Variants in PCDHGA8 observed in about 807,000 individuals in gnomAD.
PCDHGA8 encodes protocadherin gamma subfamily A, 8.
PCDHGA8 carries 45 observed loss-of-function variants against 59.2 expected under a neutral mutation model. The ratio of observed to expected loss-of-function variants is 0.76; its 90% CI spans 0.60 to 0.98. PCDHGA8 has a LOEUF of 0.98. Among genes scored for constraint, PCDHGA8 ranks in the 50% least tolerant of loss-of-function variants. The pLI is 0.00. For missense variants in PCDHGA8, 1,257 were observed against 1,196.2 expected, an observed-to-expected ratio of 1.05 and a Z score of -0.75; for synonymous variants, 531 against 519.0, an observed-to-expected ratio of 1.02 and a Z score of -0.32.
Position 141,395,119 on chromosome 5 carries a change from T to C in PCDHGA8, c.2306T>C (p.Ile769Thr). Residue 769 changes from isoleucine to threonine, a missense_variant, in exon 1 of 4, where the codon ATC (isoleucine) becomes ACC (threonine). Transcript: ENST00000398604. ...GCCGACTCGCGGAAGAGTCACCTGA[T>C]CTTTCCCCAGCCCAACTACGCAGAC... ...LTADSRKSHLIFPQPNYADML... is the reference protein window; with the variant it reads ...LTADSRKSHLTFPQPNYADML... 6.2e-7 allele frequency: 1 copy of C among 1,614,182 alleles called. No homozygotes were observed.
intron 1 of PCDHGA8, chr5:141,399,935 A>G (rs2093920920): frequency 1.9e-6 from 3 of 1,612,300 alleles, no homozygotes; most frequent in Non-Finnish European, 2.5e-6. Context: ...CTGTCCTACC[A>G]CGTGCTGCAG....
intron 1 of PCDHGA8, among the ~76,000 whole-genome samples, chr5:141,474,185 C>A (rs1481544975): frequency 6.6e-6 from 1 of 152,180 alleles, no homozygotes; most frequent in Non-Finnish European, 1.5e-5. Flanking sequence ...AAACTACTTA[C>A]ATTTTTAAAA....
rs775449711 is a variant in PCDHGA8 at position 141,393,074 on chromosome 5, G to C, written c.261G>C (p.Ala87=). ...CGCGCAGCGGCAGCTTGATCACCGCGGGCAGGATAGATCGGGAGGAGCTCT... is the reference window on the plus strand; with the variant it reads ...CGCGCAGCGGCAGCTTGATCACCGCCGGCAGGATAGATCGGGAGGAGCTCT... ...LNPRSGSLIT[A]GRIDREELCA... is the part of the protein sequence containing the mutation. Residue 87 remains alanine (A), a synonymous_variant, in exon 1 of 4, where the codon GCG becomes GCC. Transcript: ENST00000398604. 7.4e-6 allele frequency: 12 copies of C among 1,613,592 alleles called. No homozygotes were observed. The highest frequency in any genetic ancestry group is 2.7e-5 in the African/African-American group (2 of 74,934).
chr5:141,394,548 C>T lies in PCDHGA8; in HGVS notation c.1735C>T (p.Pro579Ser), dbSNP rs1176145709. The change falls in exon 1 of 4, where the codon CCC (proline) becomes TCC (serine). Residue 579 changes from proline (P) to serine (S), a missense_variant. Physicochemically the swap from Pro to Ser is moderately conservative, Grantham distance 74. Transcript: ENST00000398604. ...CGGTTCCACTGGCGTGGAGCTGGCG[C>T]CCCGCTCCGCAGAGCGTGGCTACCT... ...TDGSTGVELA[P>S]RSAERGYLVT... 1 of 1,614,160 alleles carries T rather than the reference C, an allele frequency of 6.2e-7. No homozygotes were observed. The highest frequency in any genetic ancestry group is 1.7e-5 in the Admixed American group (1 of 60,034).
In PCDHGA8 at chr5:141,421,081, A is replaced by C. The variant is rs775366249; in HGVS notation, c.2424+25844A>C. 61 of 637,820 alleles carry C rather than the reference A, an allele frequency of 9.6e-5. 1 individual carries two copies. The Middle Eastern group carries it at 2.9e-3, about 31-fold the overall frequency. The allele number at this position is 637,820 out of a possible 1,614,324, so 39.5% of individuals were successfully genotyped here. ...ACAAAGCGGAATGAGATGGATACTCACAGATCCTGACACTGGAGACTTAGA... is the reference window on the plus strand; with the variant it reads ...ACAAAGCGGAATGAGATGGATACTCCCAGATCCTGACACTGGAGACTTAGA... On this transcript the variant is annotated intron_variant, in intron 1 of 3. Coordinates refer to ENST00000398604, the MANE Select transcript of PCDHGA8 (RefSeq NM_032088.2).
rs779391932 is a variant in PCDHGA8, at chr5:141,419,996, C to T, written c.2424+24759C>T. Reference sequence around the variant, plus strand: ...CCTCGCGGTGATTCTAGCTATTGCTCTACGCCTGCGACAGTCTTTCAGCCC... The same window carrying T: ...CCTCGCGGTGATTCTAGCTATTGCTTTACGCCTGCGACAGTCTTTCAGCCC... On this transcript the variant is annotated intron_variant, in intron 1 of 3. Coordinates refer to ENST00000398604, the MANE Select transcript of PCDHGA8 (RefSeq NM_032088.2). 10 of 1,613,966 alleles carry T rather than the reference C, an allele frequency of 6.2e-6. No homozygotes were observed. In the East Asian group the frequency reaches 2.2e-4, roughly 36 times the overall value.
At chr5:141,438,621 T>C (rs1164140266) in intron 1 of PCDHGA8, among the ~76,000 whole-genome samples, 4 of 41,368 alleles carry the variant, frequency 9.7e-5, no homozygotes, top group Admixed American at 3.5e-4. Flanking sequence ...TATATATATA[T>C]ATATATATAT....
In PCDHGA8 at chr5:141,393,218, C is replaced by G. The variant is rs1157907229; in HGVS notation, c.405C>G (p.Val135=). The part of the protein sequence containing the change: ...DINDNNPKFQ[V]EDLEVKINEI... ...ACGATAATAACCCAAAATTCCAGGT[C>G]GAAGATCTAGAAGTAAAAATTAACG... Residue 135 remains valine, a synonymous_variant, in exon 1 of 4, where the codon GTC becomes GTG. Transcript: ENST00000398604. The G allele has an allele frequency of 1.2e-6, 2 of 1,613,598 alleles. No homozygotes were observed. Among genetic ancestry groups the G allele is most frequent in the Admixed American group, 3.3e-5 (2 of 60,026 alleles).
At position 141,477,269 on chromosome 5, in the gene PCDHGA8, G is replaced by A; in HGVS notation, c.2425-17538G>A. On this transcript the variant is annotated intron_variant, in intron 1 of 3. Coordinates refer to ENST00000398604, the MANE Select transcript of PCDHGA8 (RefSeq NM_032088.2). This position sits in a 1 kb window ranked among gnomAD's most constrained non-coding sequence, Gnocchi z 4.9. Reference sequence around the variant, plus strand: ...GACTGACCTGGATGCTGGCGAGAACGGGCTGGTGACCTGCGAAGTTCCACC... The same window carrying A: ...GACTGACCTGGATGCTGGCGAGAACAGGCTGGTGACCTGCGAAGTTCCACC... 1.9e-6 allele frequency: 3 copies of A among 1,614,154 alleles called. No individual in the cohort carries two copies. Among genetic ancestry groups the A allele is most frequent in the Non-Finnish European group, 2.5e-6 (3 of 1,180,030 alleles).
At chr5:141,433,068 T>G (rs1296504554) in intron 1 of PCDHGA8, 1 of 1,613,900 alleles carries the variant, frequency 6.2e-7, no homozygotes, top group South Asian at 1.1e-5. Context: ...CACCTGATCT[T>G]CCCCCAGCCC....
chr5:141,477,211 C>G lies in PCDHGA8; in HGVS notation c.2425-17596C>G. 2 of 1,614,154 alleles carry G rather than the reference C, an allele frequency of 1.2e-6. No individual in the cohort carries two copies. Among genetic ancestry groups the G allele is most frequent in the Non-Finnish European group, 1.7e-6 (2 of 1,180,036 alleles). On this transcript the variant is annotated intron_variant, in intron 1 of 3. Transcript: ENST00000398604. The surrounding 1 kb of genome is among the most constrained non-coding windows in gnomAD (Gnocchi z 4.9). ...TGTACAGCCCAGTACCCGAGGATGC[C>G]CCTCTGGGGACTGTCATCGCTTTGC...
chr5:141,478,381 C>A (rs931860600), intron 1 of PCDHGA8: 1 of 1,613,664 alleles, frequency 6.2e-7, no homozygotes, highest in Admixed American at 1.7e-5. Flanking sequence ...TGTCGCCGCA[C>A]CTTTACCATC....
At chr5:141,403,188 C>G (rs763950254) in intron 1 of PCDHGA8, 6 of 1,613,968 alleles carry the variant, frequency 3.7e-6, no homozygotes, top group Non-Finnish European at 4.2e-6. Context: ...TCTCTGAACC[C>G]GCGCAGCGGC....
chr5:141,462,668 T>C (rs778396861), intron 1 of PCDHGA8, among the ~76,000 whole-genome samples: 10 of 152,232 alleles, frequency 6.6e-5, no homozygotes, highest in Non-Finnish European at 1.5e-4. Flanking sequence ...CTTCATATTT[T>C]TCTTTAAATT....
chr5:141,405,222 T>A, intron 1 of PCDHGA8: 5 of 1,613,886 alleles, frequency 3.1e-6, no homozygotes, highest in Non-Finnish European at 4.2e-6. Context: ...TCTCAGGAGT[T>A]CTCCCTCACC....
intron 1 of PCDHGA8, among the ~76,000 whole-genome samples, chr5:141,425,219 G>T (rs779272038): frequency 2.0e-5 from 3 of 152,148 alleles, no homozygotes; most frequent in Non-Finnish European, 2.9e-5. Context: ...ATTGTACTTT[G>T]ACTGGAATTA....
At chr5:141,435,614 C>T (rs1274100711) in intron 1 of PCDHGA8, among the ~76,000 whole-genome samples, 1 of 152,056 alleles carries the variant, frequency 6.6e-6, no homozygotes, top group Non-Finnish European at 1.5e-5. Context: ...ACATTAAATT[C>T]CCCATAACTT....
chr5:141,505,589 C>T, intron 3 of PCDHGA8, 108 bp downstream of exon 3: 1 of 1,573,272 alleles, frequency 6.4e-7, no homozygotes, highest in Non-Finnish European at 8.6e-7. Context: ...GTAGTTTCTC[C>T]AGATCTTTCG....
chr5:141,399,807 C>T, intron 1 of PCDHGA8: 1 of 1,613,222 alleles, frequency 6.2e-7, no homozygotes, highest in Non-Finnish European at 8.5e-7. Context: ...GGGTGCTGTA[C>T]CCCGCGCTGG....
Sources: allele counts gnomAD v4.1 joint callset (sites outside exome capture counted in the v4.1 genomes callset), GRCh38; gene constraint gnomAD v4.1.1; non-coding constraint Gnocchi (gnomAD v3.1); transcripts MANE v1.5; gene names NCBI Gene and HGNC (gene_info 2026-07-23, HGNC 2026-07-21).